The following COPS3 variants were observed in gnomAD, a reference collection of about 807,000 sequenced individuals.
COPS3 encodes COP9 signalosome subunit 3.
Under a neutral mutation model 58.2 loss-of-function variants are expected in COPS3, and 10 were observed. The ratio of observed to expected loss-of-function variants is 0.17; its 90% confidence interval spans 0.11 to 0.29. COPS3 has a LOEUF of 0.29. COPS3 is among the 10% of genes least tolerant of loss of function. COPS3 has a pLI of 1.00. For missense variants in COPS3, 333 were observed against 510.1 expected, an observed-to-expected ratio of 0.65 and a Z score of 3.34; for synonymous variants, 187 against 181.7, an observed-to-expected ratio of 1.03 and a Z score of -0.24.
At chr17:17,249,409 T>C (rs1424598246) in intron 9 of COPS3, among the ~76,000 whole-genome samples, 2 of 151,828 alleles carry the variant, frequency 1.3e-5, no homozygotes, top group African/African-American at 4.8e-5. Flanking sequence ...CTGCAACCTC[T>C]ACCTCCGGGG....
intron 2 of COPS3, among the ~76,000 whole-genome samples, chr17:17,273,995 T>G (rs2145253820): frequency 6.6e-6 from 1 of 152,266 alleles, no homozygotes; most frequent in South Asian, 2.1e-4. Context: ...TCAGCCTGAG[T>G]GACATCAAGA....
chr17:17,264,799 T>C lies in COPS3; in HGVS notation c.621+3A>G. The C allele has an allele frequency of 6.3e-7, 1 of 1,599,842 alleles. No homozygotes were observed. Among genetic ancestry groups the C allele is most frequent in the Non-Finnish European group, 8.5e-7 (1 of 1,175,752 alleles). ...AACCTCAGCTAATTTTTAGAGAGAT[T>C]ACCTGTTCATAAAAGTAGAGAGCTC... On this transcript the variant is annotated splice_donor_region_variant and intron_variant, in intron 6 of 11. Transcript: ENST00000268717.
chr17:17,249,105 C>A (rs752154824), intron 9 of COPS3, 66 bp from the exon 10 acceptor site: 1 of 821,758 alleles, frequency 1.2e-6, no homozygotes, highest in South Asian at 1.6e-5. Flanking sequence ...GAATAGTCAT[C>A]CAGTATAATC....
intron 5 of COPS3, among the ~76,000 whole-genome samples, chr17:17,265,435 G>C (rs1309180055): frequency 1.5e-4 from 22 of 146,598 alleles, no homozygotes; most frequent in Admixed American, 1.5e-3. Flanking sequence ...GTCTCACTCT[G>C]TCACACAGGC....
At position 17,280,786 on chromosome 17, in the gene COPS3, G is replaced by A. The variant is rs999868806; in HGVS notation, c.55+346C>T. 23 of 1,265,832 alleles carry A rather than the reference G, an allele frequency of 1.8e-5. No individual in the cohort carries two copies. The African/African-American group carries it at 3.3e-4, about 18-fold the overall frequency. 78.4% of individuals were successfully genotyped at this position (1,265,832 alleles called of 1,614,324 possible). A position where few individuals can be genotyped will look rare whatever the true frequency, so the allele number is the denominator to read the frequency against. Reference sequence around the variant, plus strand: ...GCGGTGCGCCAATCACCGAAGGCAAGAGAGACAGAAGGAACCAATAGTCGC... The same window carrying A: ...GCGGTGCGCCAATCACCGAAGGCAAAAGAGACAGAAGGAACCAATAGTCGC... On this transcript the variant is annotated intron_variant, in intron 1 of 11. Coordinates refer to ENST00000268717, the MANE Select transcript of COPS3 (RefSeq NM_003653.4).
At chr17:17,267,468 G>C (rs943151655) in intron 5 of COPS3, among the ~76,000 whole-genome samples, 1 of 151,484 alleles carries the variant, frequency 6.6e-6, no homozygotes, top group African/African-American at 2.4e-5. Flanking sequence ...GTGAAACCCT[G>C]TTCTACTAAA....
At chr17:17,249,704 C>T (rs7213265) in intron 9 of COPS3, among the ~76,000 whole-genome samples, 3,535 of 152,270 alleles carry the variant, frequency 0.023, 128 homozygotes, top group African/African-American at 0.08. Flanking sequence ...GTTGGTCAGG[C>T]TGGTCTCCAA....
At chr17:17,269,967 G>A (rs1328067768) in intron 4 of COPS3, among the ~76,000 whole-genome samples, 1 of 152,066 alleles carries the variant, frequency 6.6e-6, no homozygotes, top group African/African-American at 2.4e-5. Flanking sequence ...GACCAGCCTG[G>A]CAACATGGTG....
chr17:17,262,740 A>T (rs183880577), intron 6 of COPS3, among the ~76,000 whole-genome samples: 3,835 of 150,914 alleles, frequency 0.025, 155 homozygotes, highest in African/African-American at 0.088. Flanking sequence ...AAAAAAAAAA[A>T]TATTTTTTGT....
At chr17:17,281,010 C>G in intron 1 of COPS3, 122 bp downstream of exon 1, 1 of 1,187,778 alleles carries the variant, frequency 8.4e-7, no homozygotes, top group South Asian at 1.4e-5. Context: ...CAACCCCAAG[C>G]CCGGCCCCGG....
intron 1 of COPS3, among the ~76,000 whole-genome samples, chr17:17,278,217 G>T (rs2048502140): frequency 6.6e-6 from 1 of 152,152 alleles, no homozygotes; most frequent in South Asian, 2.1e-4. Context: ...GACAATTACT[G>T]TCATGACAGA....
intron 8 of COPS3, among the ~76,000 whole-genome samples, chr17:17,256,048 G>A (rs1482495578): frequency 4.0e-5 from 6 of 149,968 alleles, no homozygotes; most frequent in African/African-American, 9.8e-5. Flanking sequence ...GCGTGGTGGT[G>A]GGCACTTGTA....
At chr17:17,269,358 G>C (rs35534166) in intron 4 of COPS3, among the ~76,000 whole-genome samples, 21,871 of 152,164 alleles carry the variant, frequency 0.14, 1,630 homozygotes, top group South Asian at 0.22. Flanking sequence ...CCAGGAGGCG[G>C]AAGTTGCAGT....
intron 4 of COPS3, among the ~76,000 whole-genome samples, chr17:17,268,958 T>C (rs1012842548): frequency 3.3e-5 from 5 of 152,304 alleles, no homozygotes; most frequent in African/African-American, 1.2e-4. Flanking sequence ...GGTTACTTAG[T>C]ACTACAAAAT....
At chr17:17,277,805 C>T (rs1406790564) in intron 1 of COPS3, among the ~76,000 whole-genome samples, 2 of 152,164 alleles carry the variant, frequency 1.3e-5, no homozygotes, top group African/African-American at 4.8e-5. Context: ...CCTGTAATCC[C>T]AGCACTTTGG....
intron 8 of COPS3, among the ~76,000 whole-genome samples, chr17:17,255,677 T>C (rs1753341035): frequency 6.7e-6 from 1 of 148,508 alleles, no homozygotes; most frequent in Non-Finnish European, 1.5e-5. Flanking sequence ...CCACCTCTAC[T>C]AAAAACGCAA....
intron 8 of COPS3, among the ~76,000 whole-genome samples, chr17:17,256,013 C>CAAAA (rs771287385): frequency 2.5e-4 from 28 of 112,898 alleles, no homozygotes; most frequent in African/African-American, 9.1e-4. Flanking sequence ...ACTAAAAATA[C>CAAAA]AAAAAAAAAA....
chr17:17,249,445 T>G (rs1056046648), intron 9 of COPS3, among the ~76,000 whole-genome samples: 1 of 152,162 alleles, frequency 6.6e-6, no homozygotes, highest in African/African-American at 2.4e-5. Flanking sequence ...TGCCTCAGCC[T>G]CCCAAGTAAC....
chr17:17,274,206 T>G (rs2048411068), intron 2 of COPS3, among the ~76,000 whole-genome samples: 1 of 152,162 alleles, frequency 6.6e-6, no homozygotes, highest in African/African-American at 2.4e-5. Context: ...ATTCTTCCAA[T>G]TTTGAGTTGT....
Sources: gnomAD v4.1 joint callset for allele counts (sites outside exome capture counted in the v4.1 genomes callset) on GRCh38, gnomAD v4.1.1 for gene constraint, MANE v1.5 for transcripts, NCBI Gene and HGNC (gene_info 2026-07-23, HGNC 2026-07-21) for gene names.